Variants in IDNK observed in about 807,000 individuals in gnomAD.
IDNK encodes the protein gluconokinase.
A neutral mutation model predicts 13.0 loss-of-function variants in IDNK; 9 were observed. The ratio of observed to expected loss-of-function variants is 0.69; its 90% CI spans 0.42 to 1.21. The LOEUF (loss-of-function observed/expected upper bound fraction) is 1.21, where lower values mean the gene tolerates loss of function less well. IDNK is among the 50% of genes most tolerant of loss of function. The pLI, the probability that IDNK is intolerant of heterozygous loss-of-function variation, is 0.00. For synonymous variants in IDNK, 92 were observed against 94.9 expected, an observed-to-expected ratio of 0.97 and a Z score of 0.18; for missense variants, 210 against 237.8, an observed-to-expected ratio of 0.88 and a Z score of 0.77.
chr9:83,623,130 G>C, upstream of IDNK: 2 of 1,403,878 alleles, frequency 1.4e-6, no homozygotes, highest in Non-Finnish European at 1.8e-6. Context: ...GGCCGGGGCC[G>C]GCGGGGCCCG....
intron 3 of IDNK, among the ~76,000 whole-genome samples, chr9:83,637,320 G>A (rs1341052561): frequency 1.3e-5 from 2 of 152,198 alleles, no homozygotes; most frequent in Non-Finnish European, 2.9e-5. Context: ...AAATAATCTT[G>A]TATTTGATAT....
chr9:83,629,045 G>C, intron 3 of IDNK, 86 bp downstream of exon 3: 1 of 1,061,282 alleles, frequency 9.4e-7, no homozygotes, highest in Non-Finnish European at 1.5e-6. Flanking sequence ...AGTAGAGTTC[G>C]TGAGTCCTAA....
At chr9:83,643,293 G>A (rs1219454774) in intron 4 of IDNK, 136 bp from the exon 5 acceptor site, 3 of 665,522 alleles carry the variant, frequency 4.5e-6, no homozygotes, top group Non-Finnish European at 5.1e-6. Context: ...AGGACTGCCT[G>A]ATGCTTAAAC....
chr9:83,643,576 G>A lies in IDNK; in HGVS notation c.360G>A (p.Leu120=), dbSNP rs762165412. The change falls in exon 5 of 5, where the codon CTG becomes CTA. Residue 120 remains leucine (L), a synonymous_variant. Coordinates refer to ENST00000376419, the MANE Select transcript of IDNK (RefSeq NM_001001551.4). The part of the protein sequence containing the change: ...KEAKQAEMQL[L]VVHLSGSFEV... ...CAAAGCAGGCTGAGATGCAGCTCCT[G>A]GTGGTCCATCTGAGCGGGTCGTTTG... The A allele has an allele frequency of 1.2e-6, 2 of 1,613,976 alleles. No homozygotes were observed. The highest frequency in any genetic ancestry group is 8.5e-7 in the Non-Finnish European group (1 of 1,180,000).
chr9:83,623,471 C>A, intron 1 of IDNK: 1 of 481,400 alleles, frequency 2.1e-6, no homozygotes, highest in Middle Eastern at 3.1e-4. Context: ...CTGCGGCGAC[C>A]GCAGGCTCAG....
intron 1 of IDNK, 66 bp downstream of exon 1, chr9:83,623,287 G>A: frequency 1.5e-6 from 2 of 1,314,212 alleles, no homozygotes; most frequent in Non-Finnish European, 2.0e-6. Context: ...GGCCGGACGC[G>A]TCGCCGTCCC....
At chr9:83,635,046 T>C (rs1484835353) in intron 3 of IDNK, among the ~76,000 whole-genome samples, 3 of 152,266 alleles carry the variant, frequency 2.0e-5, no homozygotes, top group Non-Finnish European at 2.9e-5. Flanking sequence ...TAGTCTTAAA[T>C]AAAGCCTTAA....
chr9:83,626,976 TC>T, intron 1 of IDNK: 1 of 352,518 alleles, frequency 2.8e-6, no homozygotes, highest in Non-Finnish European at 4.0e-6. Flanking sequence ...GGCAACAGTA[TC>T]CAGCTAGAAT....
At chr9:83,643,209 C>T (rs1368383153) in intron 4 of IDNK, among the ~76,000 whole-genome samples, 1 of 152,210 alleles carries the variant, frequency 6.6e-6, no homozygotes, top group Non-Finnish European at 1.5e-5. Context: ...AGATGATGAA[C>T]TGACGCTCAG....
At chr9:83,623,056 G>C, upstream of IDNK, 2 of 719,688 alleles carry the variant, frequency 2.8e-6, no homozygotes, top group Non-Finnish European at 4.0e-6. Context: ...GGAGGGCGCA[G>C]AGGGGCACGG....
chr9:83,629,868 C>T (rs182695026), intron 3 of IDNK, among the ~76,000 whole-genome samples: 74 of 152,368 alleles, frequency 4.9e-4, no homozygotes, highest in Non-Finnish European at 7.5e-4. Context: ...GGCATGTTTT[C>T]GAGTGAATGA....
chr9:83,629,575 G>C (rs138048386), intron 3 of IDNK, among the ~76,000 whole-genome samples: 1 of 152,262 alleles, frequency 6.6e-6, no homozygotes, highest in African/African-American at 2.4e-5. Flanking sequence ...TGGGGCCTTT[G>C]TATCCCTGTT....
At chr9:83,639,126 A>G (rs1485813565) in intron 3 of IDNK, among the ~76,000 whole-genome samples, 1 of 152,238 alleles carries the variant, frequency 6.6e-6, no homozygotes, top group African/African-American at 2.4e-5. Flanking sequence ...TAAATCAATA[A>G]TAAAAATGCA....
At chr9:83,624,698 CTTCTT>C (rs1371208631) in intron 1 of IDNK, among the ~76,000 whole-genome samples, 1 of 125,640 alleles carries the variant, frequency 8.0e-6, no homozygotes, top group Non-Finnish European at 1.6e-5. Context: ...TGAGGCTTAG[CTTCTT>C]TTGTTTTTTT....
chr9:83,627,027 A>C (rs1159517874), intron 1 of IDNK: 1 of 182,904 alleles, frequency 5.5e-6, no homozygotes, highest in Non-Finnish European at 1.0e-5. Context: ...ACAGCTTTTC[A>C]GGTACCTTCT....
At chr9:83,640,358 T>C (rs753512945) in intron 3 of IDNK, among the ~76,000 whole-genome samples, 1 of 152,212 alleles carries the variant, frequency 6.6e-6, no homozygotes, top group Non-Finnish European at 1.5e-5. Flanking sequence ...TTTTAAAATA[T>C]AGGCCCATCT....
chr9:83,637,269 T>C (rs2131632036), intron 3 of IDNK, among the ~76,000 whole-genome samples: 1 of 152,368 alleles, frequency 6.6e-6, no homozygotes, highest in Admixed American at 6.5e-5. Flanking sequence ...ATTAGTAAAC[T>C]TACGGGACCC....
rs758177728 is a variant in IDNK, at chr9:83,643,404, CTTTTT to C, written c.213-19_213-15del. The C allele has an allele frequency of 2.2e-6, 3 of 1,362,726 alleles. No homozygotes were observed. The highest frequency in any genetic ancestry group is 3.0e-6 in the Non-Finnish European group (3 of 1,002,820). 84.4% of individuals were successfully genotyped at this position (1,362,726 alleles called of 1,614,324 possible). On this transcript the variant is annotated intron_variant, in intron 4 of 4. Transcript: ENST00000376419. ...AATGTCCTCCTTCTTTAGCCTCCCTCTTTTTTTTTTCTTTTTCTAAACAGAGATGT... is the reference window on the plus strand; with the variant it reads ...AATGTCCTCCTTCTTTAGCCTCCCTCTTTTTCTTTTTCTAAACAGAGATGT...
intron 1 of IDNK, among the ~76,000 whole-genome samples, chr9:83,626,129 T>G (rs1476348079): frequency 6.6e-6 from 1 of 152,230 alleles, no homozygotes; most frequent in East Asian, 1.9e-4. Flanking sequence ...TCTTTTTAAG[T>G]CCCTTGCCCC....
Sources: gnomAD v4.1 joint callset for allele counts (sites outside exome capture counted in the v4.1 genomes callset) on GRCh38, gnomAD v4.1.1 for gene constraint, MANE v1.5 for transcripts, NCBI Gene and HGNC (gene_info 2026-07-23, HGNC 2026-07-21) for gene names.